USP38: variants seen among roughly 807,000 people sequenced by gnomAD.
The protein encoded by USP38 is ubiquitin specific peptidase 38.
In USP38, 49 loss-of-function variants were observed where a neutral mutation model predicts 94.3. The ratio of observed to expected loss-of-function variants is 0.52; its 90% confidence interval spans 0.41 to 0.66. USP38 has a LOEUF of 0.66. USP38 is among the 30% of genes least tolerant of loss of function. USP38 has a pLI of 0.00. For synonymous variants in USP38, 468 were observed against 463.6 expected, an observed-to-expected ratio of 1.01 and a Z score of -0.12; for missense variants, 1,128 against 1,229.4, an observed-to-expected ratio of 0.92 and a Z score of 1.23.
At chr4:143,202,517 T>G (rs1731745130) in intron 4 of USP38, among the ~76,000 whole-genome samples, 1 of 152,150 alleles carries the variant, frequency 6.6e-6, no homozygotes, top group South Asian at 2.1e-4. Flanking sequence ...AAATATGTAG[T>G]ATCAGATTAT....
At chr4:143,204,631 C>T (rs1731810351) in intron 5 of USP38, 3 of 315,562 alleles carry the variant, frequency 9.5e-6, no homozygotes, top group Non-Finnish European at 1.2e-5. Flanking sequence ...TCAAGTGATC[C>T]TCATCCTCCC....
At chr4:143,204,446 A>G (rs1259764223) in intron 5 of USP38, 2 of 450,090 alleles carry the variant, frequency 4.4e-6, no homozygotes, top group Non-Finnish European at 8.9e-6. Context: ...CTGAAGTGCA[A>G]TGGCATGATC....
At chr4:143,188,007 G>A (rs1458915226) in intron 2 of USP38, 46 bp downstream of exon 2, 1 of 1,554,680 alleles carries the variant, frequency 6.4e-7, no homozygotes, top group Admixed American at 2.1e-5. Flanking sequence ...ATTTGGGGAA[G>A]AGGAAGTATT....
At position 143,185,780 on chromosome 4, in the gene USP38, C is replaced by A. The variant is rs1230478720; in HGVS notation, c.330C>A (p.Gly110=). ...CCATCCTGGACTACATTCACAACGG[C>A]CTGAAGCTGATTATGAGCTGTCCGT... ...DVAILDYIHN[G]LKLIMSCPSV... Residue 110 remains glycine (G), a synonymous_variant, in exon 1 of 10, where the codon GGC becomes GGA. Coordinates refer to ENST00000307017, the MANE Select transcript of USP38 (RefSeq NM_032557.6). The A allele has an allele frequency of 6.2e-7, 1 of 1,614,180 alleles. No homozygotes were observed. The highest frequency in any genetic ancestry group is 1.1e-5 in the South Asian group (1 of 91,084).
rs923967321 is a variant in USP38 at position 143,188,287 on chromosome 4, GT to G, written c.818+335del. 7.0e-4 allele frequency among the ~76,000 whole-genome samples: 105 copies of G among 149,652 alleles called. 1 individual carries two copies. The highest frequency in any genetic ancestry group is 2.4e-3 in the African/African-American group (98 of 40,822). On this transcript the variant is annotated intron_variant, in intron 2 of 9. Coordinates refer to ENST00000307017, the MANE Select transcript of USP38 (RefSeq NM_032557.6). ...CCTGCAACCTATTTCTTTCTTCTGCGTTTTTTTTTCTTTCTTCCTTAGTAAG... is the reference window on the plus strand; with the variant it reads ...CCTGCAACCTATTTCTTTCTTCTGCGTTTTTTTTCTTTCTTCCTTAGTAAG...
intron 4 of USP38, 82 bp from the exon 5 acceptor site, chr4:143,203,326 T>C: frequency 7.4e-7 from 1 of 1,347,010 alleles, no homozygotes; most frequent in Non-Finnish European, 1.0e-6. Flanking sequence ...TGATCATATA[T>C]CGTTTGTGTT....
In USP38 at chr4:143,220,562, A is replaced by T; in HGVS notation, c.*106A>T. The T allele has an allele frequency of 8.8e-7, 1 of 1,137,900 alleles. No individual in the cohort carries two copies. Among genetic ancestry groups the T allele is most frequent in the Non-Finnish European group, 1.2e-6 (1 of 863,980 alleles). 70.5% of individuals were successfully genotyped at this position (1,137,900 alleles called of 1,614,324 possible). A position where few individuals can be genotyped will look rare whatever the true frequency, so the allele number is the denominator to read the frequency against. On this transcript the variant is annotated 3_prime_UTR_variant, in exon 10 of 10. Coordinates refer to ENST00000307017, the MANE Select transcript of USP38 (RefSeq NM_032557.6). ...ATCTTTTATTTTTCATTAGACCCTT[A>T]TACTTCAAGAGAACACACTCAGTGC...
chr4:143,202,410 G>A (rs1731739916), intron 4 of USP38, among the ~76,000 whole-genome samples: 1 of 151,994 alleles, frequency 6.6e-6, no homozygotes, highest in Non-Finnish European at 1.5e-5. Flanking sequence ...GCTGTTTGAT[G>A]GTACGACCCT....
chr4:143,186,634 A>C (rs776701501), intron 1 of USP38, among the ~76,000 whole-genome samples: 8 of 152,044 alleles, frequency 5.3e-5, no homozygotes, highest in Non-Finnish European at 1.2e-4. Flanking sequence ...AAATAGTGAC[A>C]TTTTTTGTCT....
intron 6 of USP38, 91 bp from the exon 7 acceptor site, chr4:143,209,473 A>G: frequency 2.7e-6 from 2 of 748,070 alleles, no homozygotes; most frequent in Non-Finnish European, 4.1e-6. Context: ...CTGGGCAACA[A>G]AAGGAAACTC....
rs544788202 is a variant in USP38 at position 143,203,327 on chromosome 4, C to T, written c.1051-81C>T. 93 of 1,359,902 alleles carry T rather than the reference C, an allele frequency of 6.8e-5. 2 individuals are homozygous for T. In the South Asian group the frequency reaches 9.7e-4, roughly 14 times the overall value. The allele number at this position is 1,359,902 out of a possible 1,614,324, so 84.2% of individuals were successfully genotyped here. On this transcript the variant is annotated intron_variant, in intron 4 of 9. Transcript: ENST00000307017. ...AGAAAAGTATCTGCTGATCATATAT[C>T]GTTTGTGTTCTGTTTGTAGGCTAGA...
chr4:143,200,137 C>G (rs1286870659), intron 4 of USP38, among the ~76,000 whole-genome samples: 2 of 151,812 alleles, frequency 1.3e-5, no homozygotes, highest in Non-Finnish European at 2.9e-5. Flanking sequence ...TAATGAACAT[C>G]GATACAAAAA....
At position 143,187,934 on chromosome 4, in the gene USP38, A is replaced by C. The variant is rs1415928628; in HGVS notation, c.791A>C (p.Asp264Ala). The C allele has an allele frequency of 6.2e-7, 1 of 1,613,564 alleles. No individual in the cohort carries two copies. Among genetic ancestry groups the C allele is most frequent in the African/African-American group, 1.3e-5 (1 of 74,918 alleles). ...CTTACTACGGATCCAAATGTAAAAG[A>C]TGCAAGTATGACCCAAGCCCTTTGC... ...RSLTTDPNVK[D>A]ASMTQALCRM... is the part of the protein sequence containing the mutation. Residue 264 changes from aspartate to alanine, a missense_variant, in exon 2 of 10, where the codon GAT (aspartate) becomes GCT (alanine). Coordinates refer to ENST00000307017, the MANE Select transcript of USP38 (RefSeq NM_032557.6).
In USP38 at chr4:143,214,341, G is replaced by A. The variant is rs1351341835; in HGVS notation, c.2365G>A (p.Val789Ile). 1.2e-6 allele frequency: 2 copies of A among 1,613,442 alleles called. No individual in the cohort carries two copies. Among genetic ancestry groups the A allele is most frequent in the Non-Finnish European group, 1.7e-6 (2 of 1,179,786 alleles). Reference protein sequence around the residue: ...KILDNVSLPLVLELPVKRITS... With the variant: ...KILDNVSLPLILELPVKRITS... ...TTTAGACAATGTATCACTGCCACTG[G>A]TTTTGGAGTTGCCAGTTAAAAGAAT... The change falls in exon 9 of 10, where the codon GTT (valine) becomes ATT (isoleucine). Residue 789 changes from valine to isoleucine, a missense_variant. Coordinates refer to ENST00000307017, the MANE Select transcript of USP38 (RefSeq NM_032557.6).
chr4:143,193,506 C>A (rs1487547907), intron 2 of USP38, among the ~76,000 whole-genome samples: 3 of 152,274 alleles, frequency 2.0e-5, no homozygotes, highest in African/African-American at 7.2e-5. Context: ...ATCACCCCAA[C>A]AATAGTTGGA....
intron 2 of USP38, among the ~76,000 whole-genome samples, chr4:143,190,259 G>T (rs1377312078): frequency 4.2e-5 from 4 of 96,310 alleles, no homozygotes; most frequent in Admixed American, 2.2e-4. Flanking sequence ...ATTGCATAGG[G>T]TAATAGTAGC....
Position 143,190,543 on chromosome 4 carries a change from G to A in USP38, c.818+2582G>A, listed in dbSNP as rs569565558. Among the ~76,000 whole-genome samples, 3 of 152,136 alleles carry A rather than the reference G, an allele frequency of 2.0e-5. No individual in the cohort carries two copies. In the South Asian group the frequency reaches 6.2e-4, roughly 32 times the overall value. ...AACTTATCTTCATGGCCTGATGTTGGTGTTTATTTTTTCTCTTTTTTTACT... is the reference window on the plus strand; with the variant it reads ...AACTTATCTTCATGGCCTGATGTTGATGTTTATTTTTTCTCTTTTTTTACT... On this transcript the variant is annotated intron_variant, in intron 2 of 9. Coordinates refer to ENST00000307017, the MANE Select transcript of USP38 (RefSeq NM_032557.6).
intron 1 of USP38, among the ~76,000 whole-genome samples, chr4:143,186,545 T>C (rs1731230149): frequency 6.6e-6 from 1 of 152,232 alleles, no homozygotes; most frequent in Non-Finnish European, 1.5e-5. Context: ...CCCCCATTTT[T>C]GTATTTCCTC....
chr4:143,221,009 GTGTC>G lies in USP38; in HGVS notation c.*557_*560del, dbSNP rs1458004261. The G allele has an allele frequency of 6.6e-6, 1 of 152,442 alleles. No individual in the cohort carries two copies. The highest frequency in any genetic ancestry group is 2.4e-5 in the African/African-American group (1 of 41,438). 9.4% of individuals were successfully genotyped at this position (152,442 alleles called of 1,614,324 possible). A position where few individuals can be genotyped will look rare whatever the true frequency, so the allele number is the denominator to read the frequency against. The stretch of plus-strand genomic sequence containing the variant: ...TTTGTTTAGTGTCTTCAGCATCACT[GTGTC>G]TGTATTTCAAGTACAAATGTTTTTA... On this transcript the variant is annotated 3_prime_UTR_variant, in exon 10 of 10. Transcript: ENST00000307017.
Sources: allele counts gnomAD v4.1 joint callset (sites outside exome capture counted in the v4.1 genomes callset), GRCh38; gene constraint gnomAD v4.1.1; transcripts MANE v1.5; gene names NCBI Gene and HGNC (gene_info 2026-07-23, HGNC 2026-07-21).